The following NYAP2 variants were observed in gnomAD, a reference collection of about 807,000 sequenced individuals.
NYAP2 encodes the protein neuronal tyrosine-phosphorylated phosphoinositide-3-kinase adapter 2.
NYAP2 carries 23 observed loss-of-function variants against 50.4 expected under a neutral mutation model. That is an observed-to-expected ratio of 0.46 (90% confidence interval 0.33 to 0.65). The LOEUF is 0.65. NYAP2 is among the 30% of genes least tolerant of loss of function. NYAP2 has a pLI of 0.02. For synonymous variants in NYAP2, 394 were observed against 365.2 expected, an observed-to-expected ratio of 1.08 and a Z score of -0.90; for missense variants, 885 against 861.0, an observed-to-expected ratio of 1.03 and a Z score of -0.35.
chr2:225,513,246 G>A (rs1431287866), intron 3 of NYAP2, 125 bp from the exon 4 acceptor site: 4 of 832,048 alleles, frequency 4.8e-6, no homozygotes, highest in Admixed American at 2.9e-5. Context: ...GTTTTAAAAG[G>A]CAGCATTTCA....
At chr2:225,443,190 A>C (rs1004720591) in intron 3 of NYAP2, among the ~76,000 whole-genome samples, 1 of 152,166 alleles carries the variant, frequency 6.6e-6, no homozygotes, top group Non-Finnish European at 1.5e-5. Context: ...CACACTTGTA[A>C]ACTATTTAAT....
chr2:225,625,043 TAAAAA>T (rs386392796), intron 5 of NYAP2, among the ~76,000 whole-genome samples: 18 of 69,630 alleles, frequency 2.6e-4, no homozygotes, highest in Admixed American at 8.8e-4. Flanking sequence ...AACCCAAGCG[TAAAAA>T]AAAAAAAAAA....
chr2:225,566,915 ATGTG>A (rs770779216), intron 4 of NYAP2, among the ~76,000 whole-genome samples: 1 of 150,414 alleles, frequency 6.6e-6, no homozygotes, highest in African/African-American at 2.4e-5. Context: ...TTACAGTAAT[ATGTG>A]TGTGTGTGTG....
intron 4 of NYAP2, among the ~76,000 whole-genome samples, chr2:225,544,216 TG>T (rs1227614171): frequency 6.7e-6 from 1 of 149,060 alleles, no homozygotes; most frequent in African/African-American, 2.6e-5. Flanking sequence ...AGCAGATGAT[TG>T]GGTGTTTTTT....
intron 3 of NYAP2, among the ~76,000 whole-genome samples, chr2:225,430,207 AT>A (rs1695346422): frequency 6.6e-6 from 1 of 152,162 alleles, no homozygotes; most frequent in South Asian, 2.1e-4. Context: ...AATCCTTTCT[AT>A]TGAACTCACC....
intron 4 of NYAP2, among the ~76,000 whole-genome samples, chr2:225,560,609 C>T (rs1691854308): frequency 6.6e-6 from 1 of 151,990 alleles, no homozygotes; most frequent in African/African-American, 2.4e-5. Flanking sequence ...TAGTATATTG[C>T]ATTTATATCC....
At chr2:225,529,286 G>A (rs1472135767) in intron 4 of NYAP2, among the ~76,000 whole-genome samples, 1 of 151,922 alleles carries the variant, frequency 6.6e-6, no homozygotes, top group Non-Finnish European at 1.5e-5. Context: ...GCACCTCAGA[G>A]CTTGCCTATC....
intron 2 of NYAP2, among the ~76,000 whole-genome samples, chr2:225,406,982 A>G (rs574462016): frequency 3.3e-5 from 5 of 152,020 alleles, no homozygotes; most frequent in African/African-American, 7.2e-5. Flanking sequence ...GAAATATACA[A>G]TTTTGCTAGA....
At chr2:225,512,851 T>TCC (rs1445781421) in intron 3 of NYAP2, among the ~76,000 whole-genome samples, 140 of 128,842 alleles carry the variant, frequency 1.1e-3, no homozygotes, top group South Asian at 5.6e-3. Context: ...CTTTCTTTCT[T>TCC]TCTTCCTTCC....
intron 3 of NYAP2, among the ~76,000 whole-genome samples, chr2:225,470,949 A>G (rs1690004654): frequency 6.6e-6 from 1 of 152,092 alleles, no homozygotes; most frequent in African/African-American, 2.4e-5. Flanking sequence ...AGACTGAGGC[A>G]GGGGGTTTCT....
At chr2:225,425,052 A>G (rs1181969418) in intron 3 of NYAP2, among the ~76,000 whole-genome samples, 1 of 152,192 alleles carries the variant, frequency 6.6e-6, no homozygotes, top group African/African-American at 2.4e-5. Flanking sequence ...CCTCAACTAT[A>G]GAAACTTATT....
chr2:225,702,325 T>C, the NYAP2 span: 7 of 151,752 alleles, frequency 4.6e-5, no homozygotes, highest in South Asian at 6.2e-4. Context: ...TATTTAACAG[T>C]TGATTATTGA....
intron 3 of NYAP2, among the ~76,000 whole-genome samples, chr2:225,502,712 A>C (rs1437649823): frequency 6.6e-6 from 1 of 152,206 alleles, no homozygotes; most frequent in East Asian, 1.9e-4. Context: ...CTGAGAAGCC[A>C]CATCTTCCCA....
rs1193534771 is a variant in NYAP2 at position 225,463,268 on chromosome 2, A to G, written c.222-50103A>G. Among the ~76,000 whole-genome samples the G allele has an allele frequency of 2.6e-5, 4 of 152,252 alleles. No homozygotes were observed. In the East Asian group the frequency reaches 7.7e-4, roughly 29 times the overall value. On this transcript the variant is annotated intron_variant, in intron 3 of 6. Transcript: ENST00000636099. ...CAGTGCTAGAGTGTGGGATAAAGAC[A>G]AGCCCAGTTTTATCTGTGGCATTTG...
chr2:225,627,739 T>C (rs760005741), intron 6 of NYAP2, among the ~76,000 whole-genome samples: 6 of 152,366 alleles, frequency 3.9e-5, no homozygotes, highest in Non-Finnish European at 8.8e-5. Context: ...AATGCAATTT[T>C]ACATGGTTAA....
chr2:225,467,343 T>G (rs1336926647), intron 3 of NYAP2, among the ~76,000 whole-genome samples: 1 of 152,158 alleles, frequency 6.6e-6, no homozygotes. Context: ...ACTCACCCCT[T>G]GCACCAGCTG....
chr2:225,497,328 A>G (rs1162024045), intron 3 of NYAP2, among the ~76,000 whole-genome samples: 1 of 152,210 alleles, frequency 6.6e-6, no homozygotes, highest in Non-Finnish European at 1.5e-5. Flanking sequence ...CTCTATTTAC[A>G]GTAACTAATG....
intron 6 of NYAP2, among the ~76,000 whole-genome samples, chr2:225,633,836 C>A (rs1394896471): frequency 6.6e-6 from 1 of 152,194 alleles, no homozygotes; most frequent in Admixed American, 6.5e-5. Context: ...TTTTAGAAAA[C>A]AATTGAGTAG....
intron 3 of NYAP2, among the ~76,000 whole-genome samples, chr2:225,422,919 CATT>C (rs1695238009): frequency 6.6e-6 from 1 of 152,104 alleles, no homozygotes; most frequent in Non-Finnish European, 1.5e-5. Context: ...CAGAAGCTCT[CATT>C]ATTATAAACA....
Sources: gnomAD v4.1 joint callset for allele counts (sites outside exome capture counted in the v4.1 genomes callset) on GRCh38, gnomAD v4.1.1 for gene constraint, MANE v1.5 for transcripts, NCBI Gene and HGNC (gene_info 2026-07-23, HGNC 2026-07-21) for gene names.